The following USH2A variants were observed in gnomAD, a reference collection of about 807,000 sequenced individuals.
USH2A encodes usherin.
Under a neutral mutation model 538.9 loss-of-function variants are expected in USH2A, and 443 were observed. The ratio of observed to expected loss-of-function variants is 0.82; its 90% CI spans 0.76 to 0.89. The LOEUF (loss-of-function observed/expected upper bound fraction) is 0.89. Ranked by LOEUF, USH2A falls within the 40% of genes least tolerant of loss-of-function variation. USH2A has a pLI of 0.00. For missense variants in USH2A, 6,633 were observed against 6,324.8 expected (o/e 1.05, Z -1.65); for synonymous variants, 2,413 against 2,273.5 (o/e 1.06, Z -1.75).
At chr1:216,263,604 T>A (rs1011514925) in intron 11 of USH2A, among the ~76,000 whole-genome samples, 1 of 152,076 alleles carries the variant, frequency 6.6e-6, no homozygotes, top group Non-Finnish European at 1.5e-5. Context: ...CAAATTAGTA[T>A]GGAAGAAATG....
At chr1:215,635,571 T>TTTA (rs1558031972) in intron 69 of USH2A, among the ~76,000 whole-genome samples, 1 of 52,760 alleles carries the variant, frequency 1.9e-5, no homozygotes, top group Non-Finnish European at 5.5e-5. Context: ...TTATTTATTT[T>TTTA]TTGAGATGGA....
At chr1:216,019,460 G>A (rs1382598859) in intron 32 of USH2A, among the ~76,000 whole-genome samples, 1 of 152,172 alleles carries the variant, frequency 6.6e-6, no homozygotes, top group Admixed American at 6.6e-5. Context: ...GAAGTTAGAA[G>A]AGCTTTGTTT....
At chr1:215,971,068 A>G (rs1667484663) in intron 35 of USH2A, among the ~76,000 whole-genome samples, 2 of 152,228 alleles carry the variant, frequency 1.3e-5, no homozygotes, top group African/African-American at 4.8e-5. Flanking sequence ...GTTCCAGATC[A>G]AAAATTAATA....
chr1:215,916,369 A>G (rs1665955785), intron 38 of USH2A, among the ~76,000 whole-genome samples: 2 of 151,956 alleles, frequency 1.3e-5, no homozygotes. Context: ...AAAAGTCATC[A>G]TTATTTCTTA....
intron 4 of USH2A, among the ~76,000 whole-genome samples, chr1:216,358,328 G>C (rs1321733158): frequency 1.3e-5 from 2 of 152,162 alleles, no homozygotes; most frequent in Non-Finnish European, 2.9e-5. Flanking sequence ...GTTTGAGGCA[G>C]TGTCTGTTCC....
intron 43 of USH2A, among the ~76,000 whole-genome samples, chr1:215,870,118 G>A (rs538607451): frequency 6.6e-6 from 1 of 151,968 alleles, no homozygotes; most frequent in South Asian, 2.1e-4. Context: ...TAATGGGGTA[G>A]CTGGACATAG....
intron 62 of USH2A, among the ~76,000 whole-genome samples, 172 bp from the exon 63 acceptor site, chr1:215,675,788 C>T (rs1215207473): frequency 6.6e-6 from 1 of 151,906 alleles, no homozygotes; most frequent in Non-Finnish European, 1.5e-5. Flanking sequence ...TAACATAAGG[C>T]CCACAGAGAG....
At chr1:216,412,291 A>G (rs959519108) in intron 3 of USH2A, among the ~76,000 whole-genome samples, 1 of 152,146 alleles carries the variant, frequency 6.6e-6, no homozygotes, top group African/African-American at 2.4e-5. Context: ...ATCACATGCA[A>G]AAAACGTACA....
chr1:215,790,825 T>A (rs1211195184), intron 50 of USH2A, among the ~76,000 whole-genome samples: 1 of 152,236 alleles, frequency 6.6e-6, no homozygotes, highest in Non-Finnish European at 1.5e-5. Context: ...TTAGCTGCAA[T>A]GGTAACCATG....
chr1:216,342,040 A>G lies in USH2A; in HGVS notation c.785-14386T>C, dbSNP rs527322031. Among the ~76,000 whole-genome samples the G allele has an allele frequency of 2.6e-5, 4 of 152,334 alleles. No individual in the cohort carries two copies. The South Asian group carries it at 8.3e-4, about 32-fold the overall frequency. ...GAGCTTTTGTACAACAGAAGAAACT[A>G]TCATCAGGGTGAGTAGGCAACCTAC... is the stretch of plus-strand genomic sequence containing the variant. On this transcript the variant is annotated intron_variant, in intron 4 of 71. Transcript: ENST00000307340.
intron 11 of USH2A, among the ~76,000 whole-genome samples, chr1:216,278,132 A>C (rs2036705324): frequency 6.6e-6 from 1 of 152,104 alleles, no homozygotes; most frequent in Non-Finnish European, 1.5e-5. Context: ...TGCTAGTGCT[A>C]TTATGGCTAT....
chr1:216,197,070 A>G (rs2102461503), intron 18 of USH2A, among the ~76,000 whole-genome samples: 1 of 152,254 alleles, frequency 6.6e-6, no homozygotes, highest in East Asian at 1.9e-4. Context: ...ATCTCAGTTC[A>G]AAAAGTTCAG....
At chr1:215,654,735 G>A (rs1487452176) in intron 64 of USH2A, among the ~76,000 whole-genome samples, 1 of 152,100 alleles carries the variant, frequency 6.6e-6, no homozygotes, top group Non-Finnish European at 1.5e-5. Context: ...CTAGCAAAAT[G>A]ATAGATTAAT....
At chr1:216,109,313 G>T (rs1262110139) in intron 21 of USH2A, among the ~76,000 whole-genome samples, 1 of 152,078 alleles carries the variant, frequency 6.6e-6, no homozygotes. Flanking sequence ...TTGTCTAAGG[G>T]TGGATGGTTT....
At chr1:215,980,306 A>C (rs1380235449) in intron 35 of USH2A, among the ~76,000 whole-genome samples, 1 of 152,156 alleles carries the variant, frequency 6.6e-6, no homozygotes, top group Non-Finnish European at 1.5e-5. Flanking sequence ...AGGTTTGGTA[A>C]CTTGGCCAGT....
intron 44 of USH2A, among the ~76,000 whole-genome samples, chr1:215,866,710 G>GGGAGAGCAGGAGGGAGAGCA (rs1409594758): frequency 2.0e-5 from 3 of 152,204 alleles, no homozygotes; most frequent in African/African-American, 7.2e-5. Context: ...AAATGACAGA[G>GGGAGAGCAGGAGGGAGAGCA]GGAGAGCAGG....
rs779542709 is a variant in USH2A at position 216,421,978 on chromosome 1, G to C, written c.359C>G (p.Ala120Gly). ...AATAAAACTTGCAGAATTGCTATGG[G>C]CGTTAGGATGCAGATCATTCTTGTC... is the stretch of plus-strand genomic sequence containing the variant. Reference protein sequence around the residue: ...TPDKNDLHPNAHSNSASFIFG... With the variant: ...TPDKNDLHPNGHSNSASFIFG... The change falls in exon 2 of 72, where the codon GCC (alanine) becomes GGC (glycine). Residue 120 changes from alanine to glycine, a missense_variant. Physicochemically the swap from Ala to Gly is moderately conservative, Grantham distance 60 (BLOSUM62 0). Coordinates refer to ENST00000307340, the MANE Select transcript of USH2A (RefSeq NM_206933.4). The C allele has an allele frequency of 1.2e-5, 19 of 1,613,798 alleles. No individual in the cohort carries two copies. The Admixed American group carries it at 1.5e-4, about 13-fold the overall frequency.
chr1:216,178,599 G>T (rs554822140), intron 20 of USH2A, among the ~76,000 whole-genome samples: 1 of 152,180 alleles, frequency 6.6e-6, no homozygotes, highest in South Asian at 2.1e-4. Flanking sequence ...ATTGAAATTT[G>T]CTAGATTCCC....
At chr1:215,926,792 G>A (rs1421417333) in intron 38 of USH2A, among the ~76,000 whole-genome samples, 1 of 151,800 alleles carries the variant, frequency 6.6e-6, no homozygotes, top group Admixed American at 6.6e-5. Context: ...ATTTTTGGTA[G>A]CGATGGGGTT....
Sources: allele counts gnomAD v4.1 joint callset (sites outside exome capture counted in the v4.1 genomes callset), GRCh38; gene constraint gnomAD v4.1.1; transcripts MANE v1.5; gene names NCBI Gene and HGNC (gene_info 2026-07-23, HGNC 2026-07-21).